Variants in NAA38 observed in about 807,000 individuals in gnomAD.
The protein encoded by NAA38 is N-alpha-acetyltransferase 38, NatC auxiliary subunit.
NAA38 carries 15 observed loss-of-function variants against 12.6 expected under a neutral mutation model. The ratio of observed to expected loss-of-function variants is 1.19; its 90% CI spans 0.79 to 1.83. The LOEUF is 1.83. NAA38 is among the 40% of genes most tolerant of loss of function. NAA38 has a pLI of 0.00. For missense variants in NAA38, 183 were observed against 171.7 expected, an observed-to-expected ratio of 1.07 and a Z score of -0.37; for synonymous variants, 88 against 69.9, an observed-to-expected ratio of 1.26 and a Z score of -1.29.
At chr17:7,885,108 C>G (rs1439501252) in intron 1 of NAA38, 50 of 982,362 alleles carry the variant, frequency 5.1e-5, no homozygotes, top group Middle Eastern at 5.2e-4. Flanking sequence ...CGACTCCCCC[C>G]CCAAGCCCGA....
upstream of NAA38, chr17:7,859,796 G>A: frequency 1.7e-6 from 1 of 593,334 alleles, no homozygotes; most frequent in Non-Finnish European, 3.0e-6. Context: ...AGTTTGCTCT[G>A]AGAAAATTAG....
At chr17:7,859,837 A>G (rs1257448351), upstream of NAA38, 2 of 543,044 alleles carry the variant, frequency 3.7e-6, no homozygotes, top group Non-Finnish European at 6.6e-6. Context: ...ATACAAGAAG[A>G]TCAAGTACCT....
chr17:7,877,111 T>C (rs1288695433), intron 2 of NAA38: 3 of 357,838 alleles, frequency 8.4e-6, no homozygotes, highest in Non-Finnish European at 1.7e-5. Flanking sequence ...CTACTTTTTA[T>C]CCCATTTGGC....
upstream of NAA38, chr17:7,885,307 C>CCCGCCGCCCCCG: frequency 6.4e-6 from 1 of 157,276 alleles, no homozygotes; most frequent in East Asian, 2.4e-4. Flanking sequence ...GCACCCCTCC[C>CCCGCCGCCCCCG]CCGCCGCCGC....
chr17:7,878,771 AAG>A (rs1775186713), intron 2 of NAA38, among the ~76,000 whole-genome samples: 1 of 152,188 alleles, frequency 6.6e-6, no homozygotes, highest in African/African-American at 2.4e-5. Context: ...ATAATTATAA[AAG>A]AAGTACATGT....
chr17:7,876,624 A>C (rs1384002990), intron 2 of NAA38, among the ~76,000 whole-genome samples: 3 of 152,164 alleles, frequency 2.0e-5, no homozygotes, highest in Non-Finnish European at 4.4e-5. Flanking sequence ...CTCCCAACCA[A>C]GAAAGAGCTT....
chr17:7,857,131 T>C lies in NAA38; in HGVS notation c.149A>G (p.Asn50Ser). The stretch of plus-strand genomic sequence containing the variant: ...TGTCATGCGAATGCGCATAGTCTTG[T>C]TGAGCAGCGCCTCTAGCTGCTGTCG... ...RARQQLEALL[N>S]KTMRIRMTDG... The change falls in exon 2 of 3, where the codon AAC (asparagine) becomes AGC (serine). Residue 50 changes from asparagine to serine, a missense_variant. Transcript: ENST00000575771. The C allele has an allele frequency of 6.2e-7, 1 of 1,613,308 alleles. No homozygotes were observed. The highest frequency in any genetic ancestry group is 8.5e-7 in the Non-Finnish European group (1 of 1,180,026).
upstream of NAA38, chr17:7,885,370 C>T: frequency 6.8e-6 from 1 of 147,140 alleles, no homozygotes; most frequent in Non-Finnish European, 1.4e-5. Flanking sequence ...GCGCTGGGCG[C>T]GAGCTGCGCG....
intron 1 of NAA38, among the ~76,000 whole-genome samples, chr17:7,883,987 G>GC (rs1049595627): frequency 1.3e-5 from 2 of 151,832 alleles, no homozygotes; most frequent in Non-Finnish European, 2.9e-5. Flanking sequence ...ACTGATTAAT[G>GC]CCCCCCCTCA....
At chr17:7,872,751 T>C (rs1438368167) in intron 2 of NAA38, among the ~76,000 whole-genome samples, 1 of 152,272 alleles carries the variant, frequency 6.6e-6, no homozygotes, top group Non-Finnish European at 1.5e-5. Context: ...ACAAATAGTT[T>C]TCCATTTATC....
chr17:7,869,394 G>C (rs954162916), intron 2 of NAA38, among the ~76,000 whole-genome samples: 2 of 152,054 alleles, frequency 1.3e-5, no homozygotes, highest in Non-Finnish European at 2.9e-5. Flanking sequence ...ATACATTTTA[G>C]GAGTTCTACA....
intron 2 of NAA38, among the ~76,000 whole-genome samples, chr17:7,880,551 G>A (rs1967254266): frequency 6.6e-6 from 1 of 152,118 alleles, no homozygotes; most frequent in African/African-American, 2.4e-5. Flanking sequence ...TAGACTAGGA[G>A]GAAGACAAAC....
upstream of NAA38, chr17:7,859,510 G>C: frequency 1.2e-6 from 2 of 1,614,184 alleles, no homozygotes; most frequent in South Asian, 2.2e-5. Context: ...AAGAGAATGG[G>C]ATCCGGGATG....
At chr17:7,866,253 A>ATTTTT (rs56289148) in intron 3 of NAA38, among the ~76,000 whole-genome samples, 2 of 90,568 alleles carry the variant, frequency 2.2e-5, no homozygotes, top group African/African-American at 4.3e-5. Flanking sequence ...AGCCCGGCTA[A>ATTTTT]TTTTTTTTTT....
upstream of NAA38, chr17:7,858,635 C>G (rs2078855198): frequency 6.2e-7 from 1 of 1,605,114 alleles, no homozygotes; most frequent in Non-Finnish European, 8.5e-7. Flanking sequence ...CGCTGACCGG[C>G]TGCCTGAGGT....
At chr17:7,857,651 AAG>A, upstream of NAA38, 1 of 1,344,812 alleles carries the variant, frequency 7.4e-7, no homozygotes. Context: ...TGGCTCACTG[AAG>A]CGTACTACGC....
At chr17:7,871,733 C>T (rs1369625243) in intron 2 of NAA38, among the ~76,000 whole-genome samples, 2 of 152,204 alleles carry the variant, frequency 1.3e-5, no homozygotes, top group East Asian at 3.8e-4. Flanking sequence ...TGGCTCATTG[C>T]AACCTCCGCC....
chr17:7,861,018 AG>A (rs1258716920), upstream of NAA38: 1 of 152,200 alleles, frequency 6.6e-6, no homozygotes, highest in African/African-American at 2.4e-5. Flanking sequence ...GGAGCTCGAC[AG>A]GGGTAATGTA....
At chr17:7,881,777 G>GC (rs1967276841) in intron 2 of NAA38, among the ~76,000 whole-genome samples, 1 of 150,838 alleles carries the variant, frequency 6.6e-6, no homozygotes, top group Admixed American at 6.6e-5. Context: ...CCGTGGCAGG[G>GC]CCTGGAAGGT....
Sources: allele counts gnomAD v4.1 joint callset (sites outside exome capture counted in the v4.1 genomes callset), GRCh38; gene constraint gnomAD v4.1.1; transcripts MANE v1.5; gene names NCBI Gene and HGNC (gene_info 2026-07-23, HGNC 2026-07-21).